ITPR2: variants seen among roughly 807,000 people sequenced by gnomAD.
ITPR2 encodes inositol 1,4,5-trisphosphate-gated calcium channel ITPR2.
ITPR2 carries 207 observed loss-of-function variants against 317.1 expected under a neutral mutation model. The observed-to-expected ratio is 0.65, with a 90% CI of 0.58 to 0.73. ITPR2 has a LOEUF of 0.73. Among genes scored for constraint, ITPR2 ranks in the 30% least tolerant of loss-of-function variants. ITPR2 has a pLI of 0.00. For missense variants in ITPR2, 2,613 were observed against 3,284.0 expected, an observed-to-expected ratio of 0.80 and a Z score of 4.99; for synonymous variants, 1,156 against 1,149.1, an observed-to-expected ratio of 1.01 and a Z score of -0.12.
At chr12:26,464,641 A>G (rs893708840) in intron 45 of ITPR2, among the ~76,000 whole-genome samples, 9 of 152,364 alleles carry the variant, frequency 5.9e-5, no homozygotes, top group Middle Eastern at 3.4e-3. Context: ...ACAATTTACT[A>G]TATCAAACAC....
chr12:26,692,756 C>T (rs73078615), intron 10 of ITPR2, among the ~76,000 whole-genome samples: 2,558 of 151,828 alleles, frequency 0.017, 62 homozygotes, highest in African/African-American at 0.055. Context: ...ACTTCAAATA[C>T]GGAAGGCAAC....
chr12:26,343,606 A>G (rs547572383), intron 55 of ITPR2, among the ~76,000 whole-genome samples: 2 of 152,386 alleles, frequency 1.3e-5, no homozygotes, highest in South Asian at 2.1e-4. Context: ...AATCTTTTAG[A>G]TGAATTGTGC....
chr12:26,602,867 C>T (rs61920353), intron 26 of ITPR2, among the ~76,000 whole-genome samples, 161 bp from the exon 27 acceptor site: 15,041 of 152,048 alleles, frequency 0.099, 1,024 homozygotes, highest in South Asian at 0.17. Context: ...TAAAAAGTTC[C>T]TTGGCTTGAC....
intron 48 of ITPR2, among the ~76,000 whole-genome samples, chr12:26,432,854 T>C (rs1206532132): frequency 1.3e-5 from 2 of 152,194 alleles, no homozygotes; most frequent in Non-Finnish European, 2.9e-5. Context: ...TCTCCATCAT[T>C]TTTAAGCACT....
At chr12:26,588,252 T>A (rs1044571049) in intron 32 of ITPR2, among the ~76,000 whole-genome samples, 5 of 151,950 alleles carry the variant, frequency 3.3e-5, no homozygotes, top group Non-Finnish European at 5.9e-5. Flanking sequence ...AGAGAAGGGA[T>A]CCATTCCAAA....
intron 37 of ITPR2, among the ~76,000 whole-genome samples, chr12:26,497,265 T>C (rs1400238772): frequency 6.6e-6 from 1 of 151,214 alleles, no homozygotes; most frequent in Non-Finnish European, 1.5e-5. Flanking sequence ...GCCATTCTCC[T>C]GCCTCAGCCT....
chr12:26,712,778 G>A (rs1006615636), intron 8 of ITPR2, among the ~76,000 whole-genome samples: 4 of 152,168 alleles, frequency 2.6e-5, no homozygotes, highest in Admixed American at 6.5e-5. Context: ...AGGGCAGTAC[G>A]GCTCCCTAGA....
intron 10 of ITPR2, among the ~76,000 whole-genome samples, chr12:26,687,908 T>C (rs1359315259): frequency 1.3e-5 from 2 of 152,172 alleles, no homozygotes; most frequent in African/African-American, 4.8e-5. Flanking sequence ...CTCATAACAG[T>C]AGTTTCTTAT....
At chr12:26,788,294 T>C (rs543321325) in intron 2 of ITPR2, among the ~76,000 whole-genome samples, 19 of 152,336 alleles carry the variant, frequency 1.2e-4, no homozygotes, top group African/African-American at 4.3e-4. Context: ...AAACCTCGTG[T>C]GGTAGTCATT....
chr12:26,544,986 AAAACAGCAAAGTGCTAT>A (rs1944358393), intron 37 of ITPR2, among the ~76,000 whole-genome samples: 1 of 152,208 alleles, frequency 6.6e-6, no homozygotes, highest in Admixed American at 6.5e-5. Flanking sequence ...AAATATTTTG[AAAACAGCAAAGTGCTAT>A]AGATTCCAAG....
intron 47 of ITPR2, among the ~76,000 whole-genome samples, chr12:26,438,226 A>AT (rs1195699658): frequency 2.0e-5 from 3 of 152,148 alleles, no homozygotes; most frequent in Non-Finnish European, 2.9e-5. Flanking sequence ...AATAATTTTG[A>AT]TTTTTTTAAA....
At chr12:26,661,918 A>G (rs1000658096) in intron 15 of ITPR2, among the ~76,000 whole-genome samples, 2 of 152,144 alleles carry the variant, frequency 1.3e-5, no homozygotes, top group African/African-American at 4.8e-5. Flanking sequence ...TATGAACAAC[A>G]CTATCTACTT....
intron 55 of ITPR2, among the ~76,000 whole-genome samples, chr12:26,368,688 A>G (rs1326190312): frequency 6.6e-6 from 1 of 152,242 alleles, no homozygotes; most frequent in East Asian, 1.9e-4. Context: ...ATATATCATT[A>G]CTTATTTCTT....
intron 37 of ITPR2, among the ~76,000 whole-genome samples, chr12:26,544,794 G>A (rs1591881199): frequency 6.6e-6 from 1 of 152,052 alleles, no homozygotes; most frequent in African/African-American, 2.4e-5. Context: ...AAATCTCCTG[G>A]GAATGCTTCA....
intron 23 of ITPR2, among the ~76,000 whole-genome samples, chr12:26,625,868 AT>A (rs375419043): frequency 3.3e-5 from 5 of 151,432 alleles, no homozygotes; most frequent in Non-Finnish European, 5.9e-5. Flanking sequence ...GGGAAAGGGC[AT>A]TTTTTTTTCT....
Position 26,336,753 on chromosome 12 carries a change from CA to C in ITPR2, c.*2643del, listed in dbSNP as rs1937927377. On this transcript the variant is annotated 3_prime_UTR_variant, in exon 57 of 57. Coordinates refer to ENST00000381340, the MANE Select transcript of ITPR2 (RefSeq NM_002223.4). ...AATATTTTTTCAAAATCTCCCTTAACATCAAAGTTCAAGATGATTGCATTTA... is the reference window on the plus strand; with the variant it reads ...AATATTTTTTCAAAATCTCCCTTAACTCAAAGTTCAAGATGATTGCATTTA... 6.6e-6 allele frequency: 1 copy of C among 152,134 alleles called. No homozygotes were observed. The highest frequency in any genetic ancestry group is 2.4e-5 in the African/African-American group (1 of 41,428). The allele number at this position is 152,134 out of a possible 1,614,324, so 9.4% of individuals were successfully genotyped here.
intron 2 of ITPR2, among the ~76,000 whole-genome samples, chr12:26,787,263 C>A (rs1386570353): frequency 6.6e-6 from 1 of 152,208 alleles, no homozygotes; most frequent in Non-Finnish European, 1.5e-5. Flanking sequence ...TAGGAAAGAA[C>A]CCTCCTTTTC....
intron 55 of ITPR2, among the ~76,000 whole-genome samples, chr12:26,355,764 C>T (rs1938619785): frequency 6.6e-6 from 1 of 152,182 alleles, no homozygotes; most frequent in Non-Finnish European, 1.5e-5. Context: ...GGTCTCTCTA[C>T]TGGTCTCTGA....
At chr12:26,727,010 C>A (rs930018640) in intron 2 of ITPR2, among the ~76,000 whole-genome samples, 3 of 151,910 alleles carry the variant, frequency 2.0e-5, no homozygotes, top group Non-Finnish European at 2.9e-5. Context: ...AAGTAAATAT[C>A]TCATAGGTAG....
Sources: allele counts gnomAD v4.1 joint callset (sites outside exome capture counted in the v4.1 genomes callset), GRCh38; gene constraint gnomAD v4.1.1; transcripts MANE v1.5; gene names NCBI Gene and HGNC (gene_info 2026-07-23, HGNC 2026-07-21).